Variants in GLRB observed in about 807,000 individuals in gnomAD.
GLRB encodes glycine receptor beta.
A neutral mutation model predicts 54.2 loss-of-function variants in GLRB; 33 were observed. That is an observed-to-expected ratio of 0.61 (90% CI 0.46 to 0.81). The LOEUF (loss-of-function observed/expected upper bound fraction) is 0.81. Ranked by LOEUF, GLRB falls within the 40% of genes least tolerant of loss-of-function variation. GLRB has a pLI of 0.00. For missense variants in GLRB, 572 were observed against 584.6 expected, an observed-to-expected ratio of 0.98 and a Z score of 0.22; for synonymous variants, 209 against 208.2, an observed-to-expected ratio of 1.00 and a Z score of -0.03.
chr4:157,142,006 C>T (rs1001407108), intron 7 of GLRB, among the ~76,000 whole-genome samples: 3 of 152,056 alleles, frequency 2.0e-5, no homozygotes, highest in South Asian at 2.1e-4. Flanking sequence ...TGTTGAGAAA[C>T]ATTTCATATG....
chr4:157,082,964 T>TTATATATATATATATATATATATA (rs58330518), intron 2 of GLRB, among the ~76,000 whole-genome samples: 4 of 139,666 alleles, frequency 2.9e-5, no homozygotes, highest in African/African-American at 7.9e-5. Flanking sequence ...GAATAGTGTT[T>TTATATATATATATATATATATATA]TATATATATA....
At chr4:157,102,037 C>G (rs1367595644) in intron 2 of GLRB, among the ~76,000 whole-genome samples, 2 of 151,992 alleles carry the variant, frequency 1.3e-5, no homozygotes, top group Admixed American at 1.3e-4. Flanking sequence ...ATAATAATAA[C>G]CCAATTGGTT....
intron 2 of GLRB, among the ~76,000 whole-genome samples, chr4:157,100,357 G>T: frequency 6.6e-6 from 1 of 152,104 alleles, no homozygotes; most frequent in East Asian, 1.9e-4. Context: ...CACATTTATT[G>T]AAAAATCCTG....
intron 2 of GLRB, among the ~76,000 whole-genome samples, chr4:157,079,272 T>G (rs1044792215): frequency 1.3e-5 from 2 of 152,228 alleles, no homozygotes; most frequent in African/African-American, 4.8e-5. Flanking sequence ...AATGTAATAT[T>G]GATCATAGAT....
intron 2 of GLRB, among the ~76,000 whole-genome samples, chr4:157,103,724 T>C (rs2126488079): frequency 6.6e-6 from 1 of 152,272 alleles, no homozygotes; most frequent in African/African-American, 2.4e-5. Context: ...CTTTCATTGG[T>C]GTTTTATAGT....
chr4:157,105,517 A>G (rs199514075), intron 2 of GLRB, among the ~76,000 whole-genome samples: 1 of 150,950 alleles, frequency 6.6e-6, no homozygotes, highest in East Asian at 1.9e-4. Context: ...AATGTTCTGT[A>G]TTTTTTTTTA....
chr4:157,108,624 T>C (rs1414644064), intron 2 of GLRB, among the ~76,000 whole-genome samples: 1 of 152,082 alleles, frequency 6.6e-6, no homozygotes, highest in Non-Finnish European at 1.5e-5. Context: ...AAGAATGTGG[T>C]TTCCTGAAAT....
chr4:157,129,023 C>A, intron 4 of GLRB, among the ~76,000 whole-genome samples: 1 of 151,778 alleles, frequency 6.6e-6, no homozygotes, highest in East Asian at 1.9e-4. Flanking sequence ...AAAATATAAA[C>A]AGTTCTTAAT....
chr4:157,114,738 G>A (rs1217523698), intron 2 of GLRB, among the ~76,000 whole-genome samples: 1 of 151,706 alleles, frequency 6.6e-6, no homozygotes, highest in Non-Finnish European at 1.5e-5. Flanking sequence ...CCTTCAGATG[G>A]GATTTATCGG....
At chr4:157,088,912 T>C (rs1024199248) in intron 2 of GLRB, among the ~76,000 whole-genome samples, 19 of 152,202 alleles carry the variant, frequency 1.2e-4, no homozygotes, top group Non-Finnish European at 1.8e-4. Flanking sequence ...TTAATTACTA[T>C]GTTTCTTCAA....
At chr4:157,098,446 A>G (rs1173530653) in intron 2 of GLRB, among the ~76,000 whole-genome samples, 1 of 152,098 alleles carries the variant, frequency 6.6e-6, no homozygotes, top group Non-Finnish European at 1.5e-5. Context: ...TATAGCAATA[A>G]ATGAGTCTGG....
At chr4:157,152,598 C>G (rs1737062638) in intron 8 of GLRB, 120 bp from the exon 9 acceptor site, 1 of 810,796 alleles carries the variant, frequency 1.2e-6, no homozygotes, top group African/African-American at 1.7e-5. Flanking sequence ...TTAAGGGGAC[C>G]TGACAAATTG....
At chr4:157,163,402 A>G (rs1187302241) in intron 9 of GLRB, among the ~76,000 whole-genome samples, 1 of 151,740 alleles carries the variant, frequency 6.6e-6, no homozygotes, top group Non-Finnish European at 1.5e-5. Context: ...TGCATCACTC[A>G]CTCTGGGAGG....
At chr4:157,077,866 C>A in intron 1 of GLRB, 130 bp from the exon 2 acceptor site, 1 of 604,262 alleles carries the variant, frequency 1.7e-6, no homozygotes, top group Non-Finnish European at 2.9e-6. Flanking sequence ...CCACATAGGA[C>A]TGAGCAATGA....
chr4:157,165,318 G>C (rs1368715346), intron 9 of GLRB, among the ~76,000 whole-genome samples: 1 of 152,050 alleles, frequency 6.6e-6, no homozygotes, highest in South Asian at 2.1e-4. Context: ...AATGAAAAAT[G>C]TAATTAAACT....
At position 157,170,880 on chromosome 4, in the gene GLRB, G is replaced by T; in HGVS notation, c.*152G>T. 1.8e-6 allele frequency: 1 copy of T among 569,714 alleles called. No individual in the cohort carries two copies. The highest frequency in any genetic ancestry group is 3.1e-6 in the Non-Finnish European group (1 of 322,450). 35.3% of individuals were successfully genotyped at this position (569,714 alleles called of 1,614,324 possible). On this transcript the variant is annotated 3_prime_UTR_variant, in exon 10 of 10. Coordinates refer to ENST00000264428, the MANE Select transcript of GLRB (RefSeq NM_000824.5). Reference sequence around the variant, plus strand: ...AATAAAACTGTGGCACCTTAATTTTGAATGGCAGCATGATCATGTAATATC... The same window carrying T: ...AATAAAACTGTGGCACCTTAATTTTTAATGGCAGCATGATCATGTAATATC...
chr4:157,131,249 T>A (rs375169451), intron 4 of GLRB, among the ~76,000 whole-genome samples: 5 of 151,854 alleles, frequency 3.3e-5, no homozygotes, highest in African/African-American at 1.2e-4. Flanking sequence ...GGGATGTTTT[T>A]TCTTAACCTT....
chr4:157,151,201 T>A (rs1356843162), intron 8 of GLRB, among the ~76,000 whole-genome samples: 1 of 152,236 alleles, frequency 6.6e-6, no homozygotes, highest in East Asian at 1.9e-4. Flanking sequence ...AAATAGTTTA[T>A]CTCAAGGAAA....
At chr4:157,097,430 C>A (rs1394248686) in intron 2 of GLRB, among the ~76,000 whole-genome samples, 1 of 152,112 alleles carries the variant, frequency 6.6e-6, no homozygotes, top group Non-Finnish European at 1.5e-5. Context: ...TATTAACTCC[C>A]CAGCCTAAGA....
Sources: gnomAD v4.1 joint callset for allele counts (sites outside exome capture counted in the v4.1 genomes callset) on GRCh38, gnomAD v4.1.1 for gene constraint, MANE v1.5 for transcripts, NCBI Gene and HGNC (gene_info 2026-07-23, HGNC 2026-07-21) for gene names.